MASP1: variants seen among roughly 807,000 people sequenced by gnomAD.
MASP1 encodes the protein MBL associated serine protease 1.
MASP1 carries 59 observed loss-of-function variants against 77.1 expected under a neutral mutation model. The observed-to-expected ratio is 0.77, with a 90% CI of 0.62 to 0.95. MASP1 has a LOEUF of 0.95. MASP1 is among the 40% of genes least tolerant of loss of function. The pLI, the probability that MASP1 is intolerant of heterozygous loss-of-function variation, is 0.00. For missense variants in MASP1, 885 were observed against 912.9 expected, an observed-to-expected ratio of 0.97 and a Z score of 0.39; for synonymous variants, 362 against 354.5, an observed-to-expected ratio of 1.02 and a Z score of -0.24.
At chr3:187,246,645 G>A in intron 8 of MASP1, 1 of 988,172 alleles carries the variant, frequency 1.0e-6, no homozygotes, top group Non-Finnish European at 1.2e-6. Context: ...ACAGCACAGA[G>A]CTGGGACCAC....
Position 187,262,635 on chromosome 3 carries a change from A to G in MASP1, c.323T>C (p.Leu108Pro), listed in dbSNP as rs1424458577. 6 of 1,614,116 alleles carry G rather than the reference A, an allele frequency of 3.7e-6. No individual in the cohort carries two copies. Among genetic ancestry groups the G allele is most frequent in the Non-Finnish European group, 5.1e-6 (6 of 1,180,000 alleles). Residue 108 changes from leucine (L) to proline (P), a missense_variant, in exon 3 of 11, where the codon CTC becomes CCC. By Grantham distance (98) the Leu-to-Pro change is moderately conservative. Coordinates refer to ENST00000296280, the MANE Select transcript of MASP1 (RefSeq NM_139125.4). ...GATGGACATGAAGGAGCCAGGGGAGAGGACCACCTCCTGGCCGGGAGTCTG... is the reference window on the plus strand; with the variant it reads ...GATGGACATGAAGGAGCCAGGGGAGGGGACCACCTCCTGGCCGGGAGTCTG... Reference protein sequence around the residue: ...TEQTPGQEVVLSPGSFMSITF... With the variant: ...TEQTPGQEVVPSPGSFMSITF...
At chr3:187,289,235 G>A (rs16861884) in intron 1 of MASP1, among the ~76,000 whole-genome samples, 9,399 of 152,120 alleles carry the variant, frequency 0.062, 983 homozygotes, top group African/African-American at 0.21. Context: ...CTATGATTGC[G>A]GCATGAACGG....
At chr3:187,262,826 C>A in intron 2 of MASP1, 106 bp from the exon 3 acceptor site, 1 of 981,082 alleles carries the variant, frequency 1.0e-6, no homozygotes. Flanking sequence ...GTAGGCTAGT[C>A]AGCCTGAGAA....
chr3:187,241,778 T>C (rs897227817), intron 9 of MASP1: 1 of 483,876 alleles, frequency 2.1e-6, no homozygotes, highest in Non-Finnish European at 3.8e-6. Context: ...AAGGGACCAA[T>C]TAACCTCCAA....
intron 15 of MASP1, chr3:187,220,307 GC>G (rs777937376): frequency 1.8e-5 from 28 of 1,561,374 alleles, no homozygotes; most frequent in Non-Finnish European, 2.4e-5. Flanking sequence ...CCCCTTCCCA[GC>G]CCAAGTCTCC....
chr3:187,262,965 T>A (rs1715724074), intron 2 of MASP1: 1 of 499,164 alleles, frequency 2.0e-6, no homozygotes, highest in Non-Finnish European at 3.6e-6. Context: ...GTTGTTGCTG[T>A]CAATAACCAA....
chr3:187,265,788 A>G (rs1560024117), intron 2 of MASP1, among the ~76,000 whole-genome samples: 1 of 152,222 alleles, frequency 6.6e-6, no homozygotes, highest in East Asian at 1.9e-4. Flanking sequence ...CAGAGAGTAC[A>G]TGACTAAAGA....
chr3:187,256,737 A>T lies in MASP1; in HGVS notation c.671T>A (p.Val224Asp), dbSNP rs1715114447. ...AAATATGTCCTCAAACTGCAGGTTGACCATGAAACCCTCCTCCAGCTCGAT... is the reference window on the plus strand; with the variant it reads ...AAATATGTCCTCAAACTGCAGGTTGTCCATGAAACCCTCCTCCAGCTCGAT... Reference protein sequence around the residue: ...YTIELEEGFMVNLQFEDIFDI... With the variant: ...YTIELEEGFMDNLQFEDIFDI... The change falls in exon 5 of 11, where the codon GTC (valine) becomes GAC (aspartate). Residue 224 changes from valine (V) to aspartate (D), a missense_variant. Val to Asp is a radical substitution (Grantham distance 152, BLOSUM62 -3). Transcript: ENST00000296280. 1.2e-6 allele frequency: 2 copies of T among 1,613,818 alleles called. No homozygotes were observed. Among genetic ancestry groups the T allele is most frequent in the African/African-American group, 1.3e-5 (1 of 74,814 alleles).
chr3:187,283,063 G>A (rs968136885), intron 2 of MASP1, among the ~76,000 whole-genome samples: 1 of 152,174 alleles, frequency 6.6e-6, no homozygotes, highest in Non-Finnish European at 1.5e-5. Flanking sequence ...TGGGGAGTTA[G>A]TGACAGATCT....
chr3:187,221,084 C>G, exon 15 of MASP1: 1 of 1,614,112 alleles, frequency 6.2e-7, no homozygotes, highest in East Asian at 2.2e-5. Context: ...TCTTCTTCAG[C>G]GGGGCATAAG....
intron 15 of MASP1, chr3:187,220,910 C>G (rs1162827101): frequency 2.7e-6 from 2 of 732,886 alleles, no homozygotes; most frequent in East Asian, 5.3e-5. Flanking sequence ...CCACGGCCTT[C>G]CTCCAGTCCC....
rs1422161559 is a variant in MASP1 at position 187,285,885 on chromosome 3, C to T, written c.177G>A (p.Lys59=). Residue 59 remains lysine (K), a synonymous_variant, in exon 2 of 11, where the codon AAG becomes AAA. Coordinates refer to ENST00000296280, the MANE Select transcript of MASP1 (RefSeq NM_139125.4). ...NITVPDGFRI[K]LYFMHFNLES... ...CCAAGTTGAAGTGCATGAAGTAAAG[C>T]TTGATCCGAAACCCATCTGGGACAG... 6.2e-7 allele frequency: 1 copy of T among 1,614,190 alleles called. No homozygotes were observed. The highest frequency in any genetic ancestry group is 1.1e-5 in the South Asian group (1 of 91,082).
At chr3:187,256,918 G>T in intron 4 of MASP1, 58 bp from the exon 5 acceptor site, 2 of 1,475,930 alleles carry the variant, frequency 1.4e-6, no homozygotes, top group South Asian at 1.1e-5. Flanking sequence ...AGCAAGCCTG[G>T]CTTATCTGTT....
chr3:187,286,197 C>A, intron 1 of MASP1, 141 bp from the exon 2 acceptor site: 1 of 713,330 alleles, frequency 1.4e-6, no homozygotes, highest in South Asian at 1.5e-5. Context: ...CTGACCTTGC[C>A]TCCTCAGTCT....
At chr3:187,249,959 T>C (rs1447207417) in intron 8 of MASP1, among the ~76,000 whole-genome samples, 2 of 152,254 alleles carry the variant, frequency 1.3e-5, no homozygotes, top group African/African-American at 4.8e-5. Context: ...GTTTTGAACC[T>C]GGACACGTGC....
intron 2 of MASP1, among the ~76,000 whole-genome samples, chr3:187,285,091 C>A (rs527893209): frequency 1.3e-5 from 2 of 152,194 alleles, no homozygotes; most frequent in African/African-American, 4.8e-5. Context: ...TAAACTTGAT[C>A]CCTTAGAAAT....
intron 10 of MASP1, among the ~76,000 whole-genome samples, chr3:187,238,956 A>G (rs1713397801): frequency 6.6e-6 from 1 of 152,150 alleles, no homozygotes; most frequent in African/African-American, 2.4e-5. Context: ...CCAATGATAC[A>G]CCATGGTTCT....
rs772206611 is a variant in MASP1, at chr3:187,243,589, G to C, written c.1123C>G (p.His375Asp). 1 of 1,614,084 alleles carries C rather than the reference G, an allele frequency of 6.2e-7. No individual in the cohort carries two copies. Among genetic ancestry groups the C allele is most frequent in the African/African-American group, 1.3e-5 (1 of 74,928 alleles). ...CTTGTAGAGAAGGTGATCAGCCCGT[G>C]TTCCAGCTCTCCTGGGGCTCTACAG... ...VDCRAPGELE[H>D]GLITFSTRNN... is the part of the protein sequence containing the mutation. Residue 375 changes from histidine to aspartate, a missense_variant, in exon 9 of 11, where the codon CAC becomes GAC. Coordinates refer to ENST00000296280, the MANE Select transcript of MASP1 (RefSeq NM_139125.4).
chr3:187,270,004 A>G (rs1312060007), intron 2 of MASP1, among the ~76,000 whole-genome samples: 1 of 152,228 alleles, frequency 6.6e-6, no homozygotes, highest in African/African-American at 2.4e-5. Flanking sequence ...AAGGACAAGA[A>G]TTATTTTGTC....
Sources: gnomAD v4.1 joint callset for allele counts (sites outside exome capture counted in the v4.1 genomes callset) on GRCh38, gnomAD v4.1.1 for gene constraint, MANE v1.5 for transcripts, NCBI Gene and HGNC (gene_info 2026-07-23, HGNC 2026-07-21) for gene names.